ANO6: variants seen among roughly 807,000 people sequenced by gnomAD.
ANO6 encodes anoctamin-6.
In ANO6, 106 loss-of-function variants were observed where a neutral mutation model predicts 117.5. The ratio of observed to expected loss-of-function variants is 0.90; its 90% CI spans 0.77 to 1.06. The LOEUF (loss-of-function observed/expected upper bound fraction) is 1.06. Among genes scored for constraint, ANO6 ranks in the 50% least tolerant of loss-of-function variants. ANO6 has a pLI of 0.00. For missense variants in ANO6, 955 were observed against 1,121.1 expected (o/e 0.85, Z 2.12); for synonymous variants, 367 against 385.1 (o/e 0.95, Z 0.55).
chr12:45,399,660 C>T (rs1382662424), intron 12 of ANO6, among the ~76,000 whole-genome samples: 1 of 152,094 alleles, frequency 6.6e-6, no homozygotes, highest in African/African-American at 2.4e-5. Context: ...TCAAACCAAT[C>T]AGGTTGTACC....
At chr12:45,368,942 A>G (rs1288339781) in intron 9 of ANO6, among the ~76,000 whole-genome samples, 4 of 152,198 alleles carry the variant, frequency 2.6e-5, no homozygotes, top group Non-Finnish European at 5.9e-5. Context: ...TATCTGGGAG[A>G]TCAAATAACC....
At chr12:45,260,439 T>C (rs940461458) in intron 1 of ANO6, among the ~76,000 whole-genome samples, 3 of 152,164 alleles carry the variant, frequency 2.0e-5, no homozygotes, top group South Asian at 4.1e-4. Context: ...TGCTAAACAA[T>C]GTTGGCAATT....
chr12:45,421,790 A>G (rs1323619343), intron 18 of ANO6, among the ~76,000 whole-genome samples: 6 of 152,232 alleles, frequency 3.9e-5, no homozygotes, highest in African/African-American at 1.4e-4. Flanking sequence ...AGTATTATCT[A>G]AAAATATTCC....
intron 2 of ANO6, among the ~76,000 whole-genome samples, chr12:45,319,296 A>G (rs986291331): frequency 7.9e-5 from 12 of 152,134 alleles, no homozygotes; most frequent in Non-Finnish European, 4.4e-5. Context: ...TTCCATCAAT[A>G]CCTAGTTGAT....
At chr12:45,323,116 G>A (rs536487629) in intron 2 of ANO6, among the ~76,000 whole-genome samples, 43 of 151,994 alleles carry the variant, frequency 2.8e-4, no homozygotes, top group Non-Finnish European at 4.4e-4. Flanking sequence ...GATGTCTTAC[G>A]TCTTCTTTTG....
chr12:45,398,671 CAGTGGAATGTTGTGCGGCGATGAGAA>C (rs1380451065), intron 12 of ANO6, among the ~76,000 whole-genome samples: 37 of 152,098 alleles, frequency 2.4e-4, no homozygotes, highest in African/African-American at 7.2e-4. Flanking sequence ...AACCTTCAAA[CAGTGGAATGTTGTGCGGCGATGAGAA>C]AGTATGGTCA....
chr12:45,373,097 G>T (rs1307820297), intron 9 of ANO6, among the ~76,000 whole-genome samples: 1 of 151,848 alleles, frequency 6.6e-6, no homozygotes, highest in Non-Finnish European at 1.5e-5. Context: ...AACCAACAAA[G>T]ATCAAAAGAG....
intron 2 of ANO6, among the ~76,000 whole-genome samples, chr12:45,308,519 G>A (rs374278890): frequency 2.3e-4 from 35 of 152,066 alleles, no homozygotes; most frequent in African/African-American, 7.2e-4. Flanking sequence ...GAAAGTGAAT[G>A]CACAGGGGAA....
chr12:45,436,667 C>A (rs1409883850), downstream of ANO6, among the ~76,000 whole-genome samples: 2 of 152,086 alleles, frequency 1.3e-5, no homozygotes, highest in African/African-American at 4.8e-5. Flanking sequence ...TATAAAATAA[C>A]AATCTTTAAA....
intron 8 of ANO6, 105 bp downstream of exon 8, chr12:45,357,529 A>G (rs939607981): frequency 5.8e-6 from 8 of 1,390,096 alleles, no homozygotes; most frequent in Non-Finnish European, 8.1e-6. Flanking sequence ...ACTGCAGAAC[A>G]TTCATTGCTT....
intron 10 of ANO6, among the ~76,000 whole-genome samples, chr12:45,386,848 A>G (rs1008504378): frequency 2.6e-5 from 4 of 152,178 alleles, no homozygotes; most frequent in African/African-American, 9.7e-5. Context: ...ACCCACCACC[A>G]CCTTCACCTG....
intron 1 of ANO6, among the ~76,000 whole-genome samples, chr12:45,270,758 G>A (rs1938369452): frequency 6.6e-6 from 1 of 150,784 alleles, no homozygotes; most frequent in Non-Finnish European, 1.5e-5. Flanking sequence ...GAAAGCAAAA[G>A]TTATTTTTTT....
chr12:45,424,344 T>G (rs879661739), intron 19 of ANO6, among the ~76,000 whole-genome samples: 7,376 of 136,616 alleles, frequency 0.054, 484 homozygotes, highest in East Asian at 0.31. Flanking sequence ...TTTTTTTTTT[T>G]TTTTTTTTTT....
intron 1 of ANO6, among the ~76,000 whole-genome samples, chr12:45,244,293 T>G (rs1947789150): frequency 6.6e-6 from 1 of 151,846 alleles, no homozygotes. Flanking sequence ...TGTAGAAGCC[T>G]CAGGCATAGT....
chr12:45,294,904 A>G (rs1461786596), intron 1 of ANO6, among the ~76,000 whole-genome samples: 1 of 152,238 alleles, frequency 6.6e-6, no homozygotes, highest in Non-Finnish European at 1.5e-5. Context: ...AAACGTATTA[A>G]AAATTGAAGT....
At chr12:45,288,477 T>C (rs928288662) in intron 1 of ANO6, among the ~76,000 whole-genome samples, 1 of 152,236 alleles carries the variant, frequency 6.6e-6, no homozygotes, top group South Asian at 2.1e-4. Flanking sequence ...ACTTCATATA[T>C]GTGGAATCCT....
At chr12:45,433,694 ACCG>A (rs1943675385), downstream of ANO6, among the ~76,000 whole-genome samples, 2 of 136,354 alleles carry the variant, frequency 1.5e-5, no homozygotes, top group African/African-American at 7.5e-5. Context: ...AGCCCTCGTC[ACCG>A]TCACCGTTAA....
chr12:45,232,146 G>A (rs926858292), intron 1 of ANO6, among the ~76,000 whole-genome samples: 2 of 152,166 alleles, frequency 1.3e-5, no homozygotes, highest in African/African-American at 2.4e-5. Flanking sequence ...GTATATTTAA[G>A]GTGTAGAGAT....
At chr12:45,284,894 G>A (rs1938857684) in intron 1 of ANO6, among the ~76,000 whole-genome samples, 1 of 152,196 alleles carries the variant, frequency 6.6e-6, no homozygotes, top group South Asian at 2.1e-4. Context: ...CCTGGAACAA[G>A]CCTCAGGATT....
Sources: gnomAD v4.1 joint callset for allele counts (sites outside exome capture counted in the v4.1 genomes callset) on GRCh38, gnomAD v4.1.1 for gene constraint, MANE v1.5 for transcripts, NCBI Gene and HGNC (gene_info 2026-07-23, HGNC 2026-07-21) for gene names.